Variants in DTD1 observed in about 807,000 individuals in gnomAD.
The protein encoded by DTD1 is D-tyrosyl-tRNA deacylase 1 homolog.
DTD1 carries 13 observed loss-of-function variants against 25.6 expected under a neutral mutation model. The ratio of observed to expected loss-of-function variants is 0.51; its 90% confidence interval spans 0.33 to 0.81. The LOEUF is 0.81. Ranked by LOEUF, DTD1 falls within the 30% of genes least tolerant of loss-of-function variation. DTD1 has a pLI of 0.02. For synonymous variants in DTD1, 110 were observed against 103.6 expected, an observed-to-expected ratio of 1.06 and a Z score of -0.37; for missense variants, 193 against 266.4, an observed-to-expected ratio of 0.72 and a Z score of 1.92.
intron 4 of DTD1, among the ~76,000 whole-genome samples, chr20:18,732,932 G>T (rs148664650): frequency 6.7e-4 from 102 of 152,284 alleles, no homozygotes; most frequent in South Asian, 2.1e-3. Flanking sequence ...TTAAGAGAGG[G>T]CCAGATAATG....
intron 4 of DTD1, among the ~76,000 whole-genome samples, chr20:18,719,265 G>C (rs2122490001): frequency 6.6e-6 from 1 of 152,124 alleles, no homozygotes; most frequent in Middle Eastern, 3.4e-3. Context: ...GTGTGTGTGT[G>C]TGTGTTTGTG....
At chr20:18,743,200 TC>T (rs530300162) in intron 4 of DTD1, among the ~76,000 whole-genome samples, 41 of 152,294 alleles carry the variant, frequency 2.7e-4, no homozygotes, top group African/African-American at 8.2e-4. Context: ...CAGGGGCATG[TC>T]CCCTGCTGGC....
intron 4 of DTD1, among the ~76,000 whole-genome samples, chr20:18,726,214 C>G (rs1292528994): frequency 6.6e-6 from 1 of 152,170 alleles, no homozygotes; most frequent in Non-Finnish European, 1.5e-5. Context: ...AAAATGCAAG[C>G]ATTTATCTTG....
intron 3 of DTD1, among the ~76,000 whole-genome samples, chr20:18,601,490 C>T (rs373099464): frequency 1.0e-4 from 12 of 118,024 alleles, no homozygotes; most frequent in African/African-American, 3.3e-4. Flanking sequence ...CAGAGCGGGA[C>T]TCTGTCTCAA....
intron 4 of DTD1, among the ~76,000 whole-genome samples, chr20:18,707,121 C>G (rs184325846): frequency 9.2e-5 from 14 of 152,346 alleles, no homozygotes; most frequent in Non-Finnish European, 1.5e-4. Context: ...CACCTGTAAG[C>G]AGTTAACGTC....
At chr20:18,701,640 G>A (rs1383500772) in intron 4 of DTD1, among the ~76,000 whole-genome samples, 1 of 152,186 alleles carries the variant, frequency 6.6e-6, no homozygotes, top group Non-Finnish European at 1.5e-5. Flanking sequence ...TCAGTGTCGG[G>A]GAGAGCAGTA....
At chr20:18,750,217 C>A (rs568984918) in intron 5 of DTD1, among the ~76,000 whole-genome samples, 1 of 152,224 alleles carries the variant, frequency 6.6e-6, no homozygotes, top group Admixed American at 6.5e-5. Flanking sequence ...TTTTTTGTTG[C>A]CCGTGGGTTT....
intron 3 of DTD1, among the ~76,000 whole-genome samples, chr20:18,606,783 G>T (rs1165631298): frequency 3.1e-5 from 4 of 129,966 alleles, no homozygotes; most frequent in African/African-American, 9.4e-5. Context: ...TGTGGTGGGG[G>T]GGGGGAGGGG....
intron 4 of DTD1, among the ~76,000 whole-genome samples, chr20:18,730,965 T>C (rs931977050): frequency 6.6e-6 from 1 of 152,222 alleles, no homozygotes; most frequent in African/African-American, 2.4e-5. Context: ...CTTCGTCCAT[T>C]CCTCTGTTGT....
intron 5 of DTD1, among the ~76,000 whole-genome samples, chr20:18,747,829 G>A (rs1367787290): frequency 6.8e-6 from 1 of 147,568 alleles, no homozygotes; most frequent in Admixed American, 6.9e-5. Context: ...GGCCAATATG[G>A]TGAAACTCCG....
At chr20:18,701,841 C>T (rs528728957) in intron 4 of DTD1, among the ~76,000 whole-genome samples, 3 of 152,262 alleles carry the variant, frequency 2.0e-5, no homozygotes, top group Admixed American at 6.5e-5. Flanking sequence ...CTCGAATTGC[C>T]GATTTGTCCT....
intron 4 of DTD1, among the ~76,000 whole-genome samples, chr20:18,643,803 TC>T (rs1175777142): frequency 6.6e-6 from 1 of 152,214 alleles, no homozygotes; most frequent in Non-Finnish European, 1.5e-5. Context: ...TTGAAGCATG[TC>T]CCTTAATTTG....
chr20:18,625,171 A>T (rs2060752046), intron 3 of DTD1, among the ~76,000 whole-genome samples: 1 of 152,202 alleles, frequency 6.6e-6, no homozygotes, highest in African/African-American at 2.4e-5. Flanking sequence ...GGAAGAAGCC[A>T]CAAGAGCCCC....
Position 18,628,013 on chromosome 20 carries a change from C to T in DTD1, c.371-114C>T, listed in dbSNP as rs2060766433. The T allele has an allele frequency of 1.1e-5, 9 of 845,462 alleles. No homozygotes were observed. In the South Asian group the frequency reaches 1.7e-4, roughly 16 times the overall value. 52.4% of individuals were successfully genotyped at this position (845,462 alleles called of 1,614,324 possible). A position where few individuals can be genotyped will look rare whatever the true frequency, so the allele number is the denominator to read the frequency against. ...TTAAACCTCTTTCTTTTGTAAGTTT[C>T]CCAGTATTGAGTATGTCTTTATTAG... On this transcript the variant is annotated intron_variant, in intron 3 of 5. Coordinates refer to ENST00000377452, the MANE Select transcript of DTD1 (RefSeq NM_080820.6).
chr20:18,742,541 T>C (rs1047737470), intron 4 of DTD1, among the ~76,000 whole-genome samples: 4 of 152,124 alleles, frequency 2.6e-5, no homozygotes, highest in Admixed American at 2.0e-4. Context: ...CATTGTGAAC[T>C]GTGCATGCGG....
intron 4 of DTD1, among the ~76,000 whole-genome samples, chr20:18,719,233 G>GTA (rs1270509056): frequency 8.1e-5 from 12 of 148,356 alleles, no homozygotes; most frequent in Non-Finnish European, 1.6e-4. Context: ...CTGTGTGTGT[G>GTA]TGTATATATA....
chr20:18,741,915 T>C (rs1327358672), intron 4 of DTD1, among the ~76,000 whole-genome samples: 1 of 119,918 alleles, frequency 8.3e-6, no homozygotes, highest in Non-Finnish European at 1.8e-5. Context: ...TTTTTTTTTT[T>C]TTTTGTAGAG....
intron 4 of DTD1, among the ~76,000 whole-genome samples, chr20:18,734,226 C>T (rs1287517215): frequency 6.6e-6 from 1 of 152,194 alleles, no homozygotes; most frequent in African/African-American, 2.4e-5. Context: ...CTCCTTCTTT[C>T]CCCGTCCTAC....
At chr20:18,711,515 C>CTT (rs377715593) in intron 4 of DTD1, among the ~76,000 whole-genome samples, 3 of 147,370 alleles carry the variant, frequency 2.0e-5, no homozygotes, top group African/African-American at 7.5e-5. Flanking sequence ...TAGGCTTGTC[C>CTT]TTTTTTTTTT....
Sources: allele counts gnomAD v4.1 joint callset (sites outside exome capture counted in the v4.1 genomes callset), GRCh38; gene constraint gnomAD v4.1.1; transcripts MANE v1.5; gene names NCBI Gene and HGNC (gene_info 2026-07-23, HGNC 2026-07-21).